EIF4G3: variants seen among roughly 807,000 people sequenced by gnomAD.
EIF4G3 encodes the protein eukaryotic translation initiation factor 4 gamma 3, also known as eIF-4-gamma 3.
A neutral mutation model predicts 186.4 loss-of-function variants in EIF4G3; 34 were observed. The observed-to-expected ratio is 0.18, with a 90% CI of 0.14 to 0.24. The LOEUF (loss-of-function observed/expected upper bound fraction) is 0.24. Among genes scored for constraint, EIF4G3 ranks in the 10% least tolerant of loss-of-function variants. EIF4G3 has a pLI of 1.00. For missense variants in EIF4G3, 1,536 were observed against 1,948.5 expected (o/e 0.79, Z 3.99); for synonymous variants, 673 against 679.5 (o/e 0.99, Z 0.15).
At chr1:20,896,148 A>G (rs2154556102) in intron 16 of EIF4G3, among the ~76,000 whole-genome samples, 1 of 152,316 alleles carries the variant, frequency 6.6e-6, no homozygotes, top group Admixed American at 6.5e-5. Context: ...AGAAAAAAGC[A>G]TATAGAATAA....
At chr1:21,019,169 C>G (rs941424641) in intron 4 of EIF4G3, among the ~76,000 whole-genome samples, 1 of 152,070 alleles carries the variant, frequency 6.6e-6, no homozygotes, top group Non-Finnish European at 1.5e-5. Context: ...ACTAGAGGCA[C>G]GAGTCACCAC....
intron 2 of EIF4G3, among the ~76,000 whole-genome samples, chr1:21,093,829 T>C (rs2096274453): frequency 1.3e-5 from 2 of 152,042 alleles, no homozygotes; most frequent in African/African-American, 4.8e-5. Context: ...CTGGAAACCA[T>C]CATTCTCAGC....
intron 12 of EIF4G3, among the ~76,000 whole-genome samples, chr1:20,962,445 T>C (rs2073536604): frequency 6.6e-6 from 1 of 152,206 alleles, no homozygotes; most frequent in African/African-American, 2.4e-5. Context: ...CATCTGTTTA[T>C]AAAATAAATC....
At chr1:20,812,607 A>G (rs1379854347) in intron 35 of EIF4G3, among the ~76,000 whole-genome samples, 1 of 152,174 alleles carries the variant, frequency 6.6e-6, no homozygotes. Flanking sequence ...ATAATGTTAA[A>G]CATTGTATAC....
intron 7 of EIF4G3, among the ~76,000 whole-genome samples, chr1:20,989,056 AGGAGGGGAGGGGAGGGGAGG>A (rs1282326465): frequency 3.1e-3 from 7 of 2,274 alleles, no homozygotes; most frequent in Admixed American, 5.4e-3. Flanking sequence ...AGGAGAGGAG[AGGAGGGGAGGGGAGGGGAGG>A]GGAGGGGAGA....
intron 7 of EIF4G3, among the ~76,000 whole-genome samples, chr1:20,984,067 T>A (rs1018048644): frequency 6.6e-6 from 1 of 152,186 alleles, no homozygotes; most frequent in African/African-American, 2.4e-5. Flanking sequence ...CTCAGTAACT[T>A]TGAAGTAAAA....
chr1:21,169,945 G>A (rs1193078622), intron 2 of EIF4G3, among the ~76,000 whole-genome samples: 1 of 152,074 alleles, frequency 6.6e-6, no homozygotes, highest in Non-Finnish European at 1.5e-5. Context: ...GGGAGGCCAA[G>A]GCAGGCGGAT....
chr1:21,161,406 G>A (rs1297395237), intron 2 of EIF4G3: 1 of 152,760 alleles, frequency 6.5e-6, no homozygotes. Flanking sequence ...AGGAGGCTGA[G>A]GCTTGAGAAT....
chr1:21,008,637 G>C (rs2086034473), intron 4 of EIF4G3, among the ~76,000 whole-genome samples: 1 of 152,024 alleles, frequency 6.6e-6, no homozygotes, highest in Non-Finnish European at 1.5e-5. Context: ...CTGCGCCCTG[G>C]CTACTTAATC....
chr1:20,814,774 TCC>T (rs1557738388), intron 34 of EIF4G3, among the ~76,000 whole-genome samples: 10 of 18,434 alleles, frequency 5.4e-4, no homozygotes, highest in Non-Finnish European at 7.5e-4. Flanking sequence ...CCCCTCCCCC[TCC>T]CCCTCCCCCT....
At position 20,806,853 on chromosome 1, in the gene EIF4G3, T is replaced by G. The variant is rs961773739; in HGVS notation, c.*466A>C. The G allele has an allele frequency of 1.3e-5, 2 of 152,564 alleles. No individual in the cohort carries two copies. Among genetic ancestry groups the G allele is most frequent in the African/African-American group, 4.8e-5 (2 of 41,442 alleles). The allele number at this position is 152,564 out of a possible 1,614,324, so 9.5% of individuals were successfully genotyped here. ...CAAACTTTCTCAAATCTGGACTAAA[T>G]GCTATACCTTAAAACAAACATGAGG... is the stretch of plus-strand genomic sequence containing the variant. On this transcript the variant is annotated 3_prime_UTR_variant, in exon 37 of 37. Coordinates refer to ENST00000602326, the MANE Select transcript of EIF4G3 (RefSeq NM_001391906.1).
At chr1:21,060,483 T>C (rs2094833766) in intron 3 of EIF4G3, among the ~76,000 whole-genome samples, 1 of 152,230 alleles carries the variant, frequency 6.6e-6, no homozygotes, top group Non-Finnish European at 1.5e-5. Context: ...TAGGGTTTTA[T>C]TCTAACATGA....
chr1:20,904,948 T>C lies in EIF4G3; in HGVS notation c.1687A>G (p.Lys563Glu). 3 of 1,613,956 alleles carry C rather than the reference T, an allele frequency of 1.9e-6. No individual in the cohort carries two copies. Among genetic ancestry groups the C allele is most frequent in the Non-Finnish European group, 2.5e-6 (3 of 1,179,962 alleles). ...CGATCTTTTGGTTTCTTCCATGTCT[T>C]TGGTACAGTTATAGCTATTTGAGCT... Reference protein sequence around the residue: ...VPAQIAITVPKTWKKPKDRTR... With the variant: ...VPAQIAITVPETWKKPKDRTR... The change falls in exon 15 of 37, where the codon AAG becomes GAG. Residue 563 changes from lysine to glutamate, a missense_variant. By Grantham distance (56) the Lys-to-Glu change is moderately conservative. This residue lies in a region of EIF4G3 where 560 missense variants were observed against 547.8 expected (regional missense o/e 1.02). Coordinates refer to ENST00000602326, the MANE Select transcript of EIF4G3 (RefSeq NM_001391906.1).
chr1:21,030,875 G>A (rs1489189415), intron 4 of EIF4G3, among the ~76,000 whole-genome samples: 1 of 151,942 alleles, frequency 6.6e-6, no homozygotes, highest in Non-Finnish European at 1.5e-5. Context: ...TTGCTATTGG[G>A]AGGCAAAGAA....
chr1:20,921,027 TAAAAA>T (rs1482988775), intron 14 of EIF4G3, among the ~76,000 whole-genome samples: 11 of 152,180 alleles, frequency 7.2e-5, no homozygotes, highest in African/African-American at 1.9e-4. Context: ...GAACTGTTTA[TAAAAA>T]TTATGTATAA....
chr1:21,035,567 G>A (rs903704464), intron 4 of EIF4G3, among the ~76,000 whole-genome samples: 3 of 152,238 alleles, frequency 2.0e-5, no homozygotes, highest in African/African-American at 7.2e-5. Flanking sequence ...GCCCAGCCAG[G>A]TATGCATAGG....
At chr1:20,988,014 C>T (rs2079980203) in intron 7 of EIF4G3, among the ~76,000 whole-genome samples, 1 of 152,160 alleles carries the variant, frequency 6.6e-6, no homozygotes, top group Non-Finnish European at 1.5e-5. Flanking sequence ...GGAGAAAGAG[C>T]AGTTTGGATA....
At chr1:20,926,182 C>T (rs931248708) in intron 14 of EIF4G3, among the ~76,000 whole-genome samples, 2 of 152,130 alleles carry the variant, frequency 1.3e-5, no homozygotes, top group African/African-American at 2.4e-5. Flanking sequence ...ATTATAAAGA[C>T]GTGGCTATGA....
At position 20,980,385 on chromosome 1, in the gene EIF4G3, GC is replaced by G; in HGVS notation, c.441del (p.Pro148GlnfsTer34). ...CCTGGTCCAGGATAAAAAGGACCTG[GC>G]CCCGGTGGTTGAACTGGATATTGTT... is the stretch of plus-strand genomic sequence containing the variant. Reference protein sequence around the residue: ...PPQQYPVQPPGPGPFYPGPGP... With the variant: ...PPQQYPVQPPXPGPFYPGPGP... On this transcript the variant is annotated frameshift_variant, in exon 10 of 37. Transcript: ENST00000602326. LOFTEE classifies it high-confidence loss of function. 2 of 1,548,650 alleles carry G rather than the reference GC, an allele frequency of 1.3e-6. No individual in the cohort carries two copies. The highest frequency in any genetic ancestry group is 8.6e-7 in the Non-Finnish European group (1 of 1,158,774).
Sources: gnomAD v4.1 joint callset for allele counts (sites outside exome capture counted in the v4.1 genomes callset) on GRCh38, gnomAD v4.1.1 for gene constraint, gnomAD v4.1.1 regional missense constraint, MANE v1.5 for transcripts, NCBI Gene and HGNC (gene_info 2026-07-23, HGNC 2026-07-21) for gene names.